The following C9orf85 variants were observed in gnomAD, a reference collection of about 807,000 sequenced individuals.
C9orf85 encodes the protein chromosome 9 open reading frame 85.
C9orf85 carries 16 observed loss-of-function variants against 14.9 expected under a neutral mutation model. That is an observed-to-expected ratio of 1.08 (90% CI 0.73 to 1.63). The LOEUF (loss-of-function observed/expected upper bound fraction) is 1.63, where lower values mean the gene tolerates loss of function less well. Among genes scored for constraint, C9orf85 ranks in the 40% most tolerant of loss-of-function variants. C9orf85 has a pLI of 0.00. For missense variants in C9orf85, 172 were observed against 186.1 expected (o/e 0.92, Z 0.44); for synonymous variants, 45 against 56.8 (o/e 0.79, Z 0.93).
intron 3 of C9orf85, among the ~76,000 whole-genome samples, chr9:71,972,469 G>A (rs1379198391): frequency 1.3e-5 from 2 of 152,172 alleles, no homozygotes; most frequent in African/African-American, 4.8e-5. Flanking sequence ...ACGTTGGCCA[G>A]GCTGGTTTCG....
intron 2 of C9orf85, among the ~76,000 whole-genome samples, chr9:71,967,713 C>CTTTTTTTTTTT (rs55750667): frequency 4.3e-5 from 4 of 94,110 alleles, no homozygotes; most frequent in Non-Finnish European, 8.0e-5. Context: ...TATGACCTTT[C>CTTTTTTTTTTT]TTTTTTTTTT....
At chr9:71,924,526 G>A (rs1418743531) in intron 1 of C9orf85, among the ~76,000 whole-genome samples, 1 of 152,190 alleles carries the variant, frequency 6.6e-6, no homozygotes, top group Non-Finnish European at 1.5e-5. Context: ...ATCAGCAGTA[G>A]AATTCAATTA....
chr9:71,956,223 T>C (rs938084232), intron 2 of C9orf85, among the ~76,000 whole-genome samples: 4 of 147,854 alleles, frequency 2.7e-5, no homozygotes, highest in Non-Finnish European at 3.0e-5. Flanking sequence ...CAATTGGTAA[T>C]AGGAAGGGGA....
At position 71,972,721 on chromosome 9, in the gene C9orf85, A is replaced by T. The variant is rs1822910171; in HGVS notation, c.353A>T (p.His118Leu). 6.3e-7 allele frequency: 1 copy of T among 1,595,922 alleles called. No individual in the cohort carries two copies. The highest frequency in any genetic ancestry group is 8.6e-7 in the Non-Finnish European group (1 of 1,167,456). ...PLNKETEKIE[H>L]TENNLSSNHR... ...AATAAAGAAACAGAAAAAATAGAAC[A>T]TACTGAAAATAATCTAAGTTCCAAC... The change falls in exon 4 of 4, where the codon CAT becomes CTT. Residue 118 changes from histidine (H) to leucine (L), a missense_variant. By Grantham distance (99) the His-to-Leu change is moderately conservative. Coordinates refer to ENST00000334731, the MANE Select transcript of C9orf85 (RefSeq NM_182505.5).
chr9:71,962,948 C>T (rs913519287), intron 2 of C9orf85, among the ~76,000 whole-genome samples: 1 of 151,854 alleles, frequency 6.6e-6, no homozygotes, highest in Non-Finnish European at 1.5e-5. Context: ...CCCAGCTACT[C>T]GGGAGGCTGA....
At chr9:71,975,461 G>A (rs1350928135), downstream of C9orf85, among the ~76,000 whole-genome samples, 2 of 150,022 alleles carry the variant, frequency 1.3e-5, no homozygotes, top group African/African-American at 4.9e-5. Context: ...AAAAAAACGT[G>A]GAGACAAAAA....
At position 71,955,575 on chromosome 9, in the gene C9orf85, T is replaced by C. The variant is rs186136998; in HGVS notation, c.209+8463T>C. 1.2e-4 allele frequency among the ~76,000 whole-genome samples: 18 copies of C among 152,312 alleles called. 2 individuals carry two copies. In the Middle Eastern group the frequency reaches 0.017, roughly 144 times the overall value. On this transcript the variant is annotated intron_variant, in intron 2 of 3. Transcript: ENST00000334731. Reference sequence around the variant, plus strand: ...CCTTATTTGAACCTACTTTGAACAATTGGCTGACTATGGTTGGCTGAGACT... The same window carrying C: ...CCTTATTTGAACCTACTTTGAACAACTGGCTGACTATGGTTGGCTGAGACT...
chr9:71,968,101 T>TATATATATAGAG (rs1554709461), intron 2 of C9orf85, among the ~76,000 whole-genome samples: 1 of 146,726 alleles, frequency 6.8e-6, no homozygotes, highest in African/African-American at 2.5e-5. Flanking sequence ...TATATATATA[T>TATATATATAGAG]AGAGAGAGAG....
downstream of C9orf85, among the ~76,000 whole-genome samples, chr9:71,977,216 T>TA (rs140317277): frequency 0.045 from 6,707 of 150,056 alleles, 461 homozygotes; most frequent in African/African-American, 0.14. Context: ...TCTTTTGTTG[T>TA]AAAAAAAAAA....
chr9:71,950,867 G>A (rs1309467313), intron 2 of C9orf85, among the ~76,000 whole-genome samples: 3 of 152,162 alleles, frequency 2.0e-5, no homozygotes, highest in Non-Finnish European at 2.9e-5. Context: ...TCTTTTAGAA[G>A]TAATAATATC....
At chr9:71,972,072 A>G (rs1267606819) in intron 3 of C9orf85, among the ~76,000 whole-genome samples, 2 of 151,876 alleles carry the variant, frequency 1.3e-5, no homozygotes, top group African/African-American at 4.8e-5. Context: ...TTATTTTTCT[A>G]TCATTACAAT....
intron 2 of C9orf85, among the ~76,000 whole-genome samples, chr9:71,965,981 A>G (rs922930769): frequency 1.3e-5 from 2 of 152,212 alleles, no homozygotes; most frequent in Non-Finnish European, 2.9e-5. Flanking sequence ...TTTAATAGGT[A>G]GACAAGATTG....
At chr9:71,930,783 G>T (rs1828052268) in intron 1 of C9orf85, among the ~76,000 whole-genome samples, 1 of 130,198 alleles carries the variant, frequency 7.7e-6, no homozygotes, top group East Asian at 2.2e-4. Flanking sequence ...CTATCTGGGT[G>T]ACAGAGCAAG....
chr9:71,921,677 C>T (rs1827811185), intron 1 of C9orf85, among the ~76,000 whole-genome samples: 1 of 152,198 alleles, frequency 6.6e-6, no homozygotes, highest in African/African-American at 2.4e-5. Flanking sequence ...TGGTCCTTAA[C>T]CTTTGCCAAA....
At chr9:71,912,701 A>G (rs1387317377) in intron 1 of C9orf85, among the ~76,000 whole-genome samples, 1 of 152,134 alleles carries the variant, frequency 6.6e-6, no homozygotes, top group Non-Finnish European at 1.5e-5. Flanking sequence ...CCTGGCCAAC[A>G]TGGCGAAACT....
chr9:71,977,130 A>G (rs1294474467), downstream of C9orf85, among the ~76,000 whole-genome samples: 1 of 152,180 alleles, frequency 6.6e-6, no homozygotes, highest in African/African-American at 2.4e-5. Flanking sequence ...CACCTCTAGA[A>G]TTCTTGTAAG....
At chr9:71,920,916 A>G (rs1433502418) in intron 1 of C9orf85, among the ~76,000 whole-genome samples, 1 of 152,186 alleles carries the variant, frequency 6.6e-6, no homozygotes, top group Non-Finnish European at 1.5e-5. Flanking sequence ...GGGGACCTCA[A>G]AGAAACTTAG....
At chr9:71,917,125 T>G (rs892453151) in intron 1 of C9orf85, among the ~76,000 whole-genome samples, 2 of 152,302 alleles carry the variant, frequency 1.3e-5, no homozygotes, top group East Asian at 3.9e-4. Flanking sequence ...AAGCCCTCCA[T>G]GTGTATGTGT....
At chr9:71,926,634 GA>G (rs58407244) in intron 1 of C9orf85, among the ~76,000 whole-genome samples, 2,401 of 115,630 alleles carry the variant, frequency 0.021, 35 homozygotes, top group African/African-American at 0.06. Flanking sequence ...CACTGCTGTT[GA>G]AAAAAAAAAA....
Sources: allele counts gnomAD v4.1 joint callset (sites outside exome capture counted in the v4.1 genomes callset), GRCh38; gene constraint gnomAD v4.1.1; transcripts MANE v1.5; gene names NCBI Gene and HGNC (gene_info 2026-07-23, HGNC 2026-07-21).